CHST13: variants seen among roughly 807,000 people sequenced by gnomAD.
The protein encoded by CHST13 is carbohydrate sulfotransferase 13, also known as C4ST-3.
In CHST13, 1 loss-of-function variant was observed where a neutral mutation model predicts 7.0. That is an observed-to-expected ratio of 0.14 (90% CI 0.05 to 0.68). CHST13 has a LOEUF of 0.68. Ranked by LOEUF, CHST13 falls within the 30% of genes least tolerant of loss-of-function variation. The pLI, the probability that CHST13 is intolerant of heterozygous loss-of-function variation, is 0.82. For synonymous variants in CHST13, 257 were observed against 240.9 expected (o/e 1.07, Z -0.62); for missense variants, 572 against 507.9 (o/e 1.13, Z -1.21).
At chr3:126,538,516 G>C (rs1474637245) in intron 2 of CHST13, among the ~76,000 whole-genome samples, 1 of 152,270 alleles carries the variant, frequency 6.6e-6, no homozygotes, top group Non-Finnish European at 1.5e-5. Context: ...TGAAGATATG[G>C]CTCCCTGAAG....
Position 126,524,158 on chromosome 3 carries a change from C to A in CHST13, c.-175C>A. The A allele has an allele frequency of 7.9e-6, 3 of 379,146 alleles. No homozygotes were observed. The highest frequency in any genetic ancestry group is 4.3e-5 in the East Asian group (1 of 23,322). The allele number at this position is 379,146 out of a possible 1,614,324, so 23.5% of individuals were successfully genotyped here. On this transcript the variant is annotated 5_prime_UTR_variant, in exon 1 of 3. Coordinates refer to ENST00000319340, the MANE Select transcript of CHST13 (RefSeq NM_152889.3). ...CCCCACCGTGTCCCGCCTCCTCAGT[C>A]CCCAGCGACTCGCAGGGGCTGGTGG...
chr3:126,528,608 C>A (rs983116956), intron 1 of CHST13, among the ~76,000 whole-genome samples: 2 of 152,038 alleles, frequency 1.3e-5, no homozygotes, highest in African/African-American at 4.8e-5. Flanking sequence ...AGCCCTGGGG[C>A]CTACCCGGGG....
At chr3:126,530,221 C>T (rs1184588012) in intron 1 of CHST13, among the ~76,000 whole-genome samples, 1 of 152,268 alleles carries the variant, frequency 6.6e-6, no homozygotes, top group Admixed American at 6.5e-5. Context: ...GGAGGCGGCC[C>T]AGCCCTGTAA....
At chr3:126,540,501 G>A (rs375852401) in intron 2 of CHST13, among the ~76,000 whole-genome samples, 31 of 152,310 alleles carry the variant, frequency 2.0e-4, no homozygotes, top group African/African-American at 7.0e-4. Flanking sequence ...GTCCTTTTGT[G>A]ACTGTACTAT....
At chr3:126,538,367 G>A (rs927419941) in intron 2 of CHST13, among the ~76,000 whole-genome samples, 2 of 152,344 alleles carry the variant, frequency 1.3e-5, no homozygotes, top group Middle Eastern at 3.4e-3. Context: ...GGTGGGGTAA[G>A]GGTTTCCCCT....
At position 126,536,359 on chromosome 3, in the gene CHST13, T is replaced by G. The variant is rs777280426; in HGVS notation, c.180+6T>G. 7 of 1,611,392 alleles carry G rather than the reference T, an allele frequency of 4.3e-6. No homozygotes were observed. In the Admixed American group the frequency reaches 1.0e-4, roughly 23 times the overall value. On this transcript the variant is annotated splice_donor_region_variant and intron_variant, in intron 2 of 2. Coordinates refer to ENST00000319340, the MANE Select transcript of CHST13 (RefSeq NM_152889.3). ...AGCTCTATGACCTGGATCAGGTAGG[T>G]GGACAGACCCTCGACCCAGGCATGC...
intron 2 of CHST13, among the ~76,000 whole-genome samples, chr3:126,539,473 G>GCA (rs761229262): frequency 9.3e-5 from 13 of 140,390 alleles, no homozygotes; most frequent in African/African-American, 1.6e-4. Context: ...CACACACACT[G>GCA]CACACACACA....
chr3:126,540,473 T>C (rs1172695059), intron 2 of CHST13, among the ~76,000 whole-genome samples: 1 of 152,208 alleles, frequency 6.6e-6, no homozygotes, highest in Non-Finnish European at 1.5e-5. Flanking sequence ...CCTCACTAAG[T>C]GGGACTGTTT....
intron 1 of CHST13, chr3:126,527,071 G>T (rs1394716564): frequency 6.6e-6 from 1 of 152,288 alleles, no homozygotes; most frequent in Non-Finnish European, 1.5e-5. Flanking sequence ...ACACCGGCGG[G>T]AGCAGTGTTG....
At position 126,541,752 on chromosome 3, in the gene CHST13, C is replaced by G. The variant is rs1209497546; in HGVS notation, c.200C>G (p.Ala67Gly). The change falls in exon 3 of 3, where the codon GCG becomes GGG. Residue 67 changes from alanine to glycine, a missense_variant. Coordinates refer to ENST00000319340, the MANE Select transcript of CHST13 (RefSeq NM_152889.3). The part of the protein sequence containing the change: ...DLDQDPRSTL[A>G]KVHRQRRDLL... ...CCACAGGACCCGCGCTCGACCCTGG[C>G]GAAGGTGCACCGGCAGCGGCGCGAC... is the stretch of plus-strand genomic sequence containing the variant. The G allele has an allele frequency of 1.3e-6, 2 of 1,497,854 alleles. No individual in the cohort carries two copies. The highest frequency in any genetic ancestry group is 1.3e-5 in the South Asian group (1 of 77,674). 92.8% of individuals were successfully genotyped at this position (1,497,854 alleles called of 1,614,324 possible).
In CHST13 at chr3:126,529,463, C is replaced by A. The variant is rs886733387; in HGVS notation, c.97+5034C>A. The A allele has an allele frequency of 9.4e-6, 11 of 1,164,814 alleles. No homozygotes were observed. In the African/African-American group the frequency reaches 1.8e-4, roughly 19 times the overall value. 72.2% of individuals were successfully genotyped at this position (1,164,814 alleles called of 1,614,324 possible). ...GTGTTAAGGGTGCAGATGCTGGCACCGGTGGCCTGGGGTCAAATTCTGTTT... is the reference window on the plus strand; with the variant it reads ...GTGTTAAGGGTGCAGATGCTGGCACAGGTGGCCTGGGGTCAAATTCTGTTT... On this transcript the variant is annotated intron_variant, in intron 1 of 2. Transcript: ENST00000319340.
At chr3:126,538,598 C>T (rs1399147680) in intron 2 of CHST13, among the ~76,000 whole-genome samples, 1 of 152,232 alleles carries the variant, frequency 6.6e-6, no homozygotes, top group Non-Finnish European at 1.5e-5. Context: ...GGCCGGATGG[C>T]CAACATTCCC....
Position 126,542,287 on chromosome 3 carries a change from G to C in CHST13, c.735G>C (p.Glu245Asp), listed in dbSNP as rs1936980301. The change falls in exon 3 of 3, where the codon GAG (glutamate) becomes GAC (aspartate). Residue 245 changes from glutamate to aspartate, a missense_variant. By Grantham distance (45) the Glu-to-Asp change is conservative. Transcript: ENST00000319340. Reference protein sequence around the residue: ...PRTRREEPFNEHWERAHALCH... With the variant: ...PRTRREEPFNDHWERAHALCH... ...CGCGGCGTGAGGAGCCCTTCAACGAGCACTGGGAGCGCGCGCACGCGCTCT... is the reference window on the plus strand; with the variant it reads ...CGCGGCGTGAGGAGCCCTTCAACGACCACTGGGAGCGCGCGCACGCGCTCT... 2 of 1,565,838 alleles carry C rather than the reference G, an allele frequency of 1.3e-6. No homozygotes were observed. Among genetic ancestry groups the C allele is most frequent in the Non-Finnish European group, 8.6e-7 (1 of 1,161,172 alleles).
rs552129105 is a variant in CHST13, at chr3:126,542,891, G to T, written c.*313G>T. 8.3e-6 allele frequency: 2 copies of T among 241,502 alleles called. No individual in the cohort carries two copies. Among genetic ancestry groups the T allele is most frequent in the East Asian group, 1.8e-4 (2 of 10,928 alleles). 15.0% of individuals were successfully genotyped at this position (241,502 alleles called of 1,614,324 possible). A position where few individuals can be genotyped will look rare whatever the true frequency, so the allele number is the denominator to read the frequency against. ...TAACCAGGGTTTTAGGCTTTTAAAG[G>T]CCATTTTGGGGGTCAGCCCTGCCCC... is the stretch of plus-strand genomic sequence containing the variant. On this transcript the variant is annotated 3_prime_UTR_variant, in exon 3 of 3. Transcript: ENST00000319340.
chr3:126,528,297 T>C (rs1371300882), intron 1 of CHST13, among the ~76,000 whole-genome samples: 1 of 152,100 alleles, frequency 6.6e-6, no homozygotes, highest in African/African-American at 2.4e-5. Flanking sequence ...AAATAGTCAC[T>C]GGCACTGGGC....
Position 126,541,937 on chromosome 3 carries a change from G to C in CHST13, c.385G>C (p.Gly129Arg), listed in dbSNP as rs776579439. ...GAAGCGCGTGCTGCTGGCGCTGAGCGGCCAAGCCCGCGGCGACCCGCGCGC... is the reference window on the plus strand; with the variant it reads ...GAAGCGCGTGCTGCTGGCGCTGAGCCGCCAAGCCCGCGGCGACCCGCGCGC... ...NWKRVLLALSGQARGDPRAIS... is the reference protein window; with the variant it reads ...NWKRVLLALSRQARGDPRAIS... The change falls in exon 3 of 3, where the codon GGC becomes CGC. Residue 129 changes from glycine to arginine, a missense_variant. Physicochemically the swap from Gly to Arg is moderately radical, Grantham distance 125. Transcript: ENST00000319340. 2.2e-5 allele frequency: 35 copies of C among 1,591,390 alleles called. 1 individual carries two copies. The highest frequency in any genetic ancestry group is 2.1e-4 in the African/African-American group (15 of 73,028).
At chr3:126,529,258 C>A in intron 1 of CHST13, 1 of 1,217,604 alleles carries the variant, frequency 8.2e-7, no homozygotes, top group Admixed American at 2.3e-5. Flanking sequence ...GGCCTTGCAA[C>A]ATGACGTGTG....
chr3:126,537,067 G>A (rs1276684666), intron 2 of CHST13, among the ~76,000 whole-genome samples: 1 of 152,206 alleles, frequency 6.6e-6, no homozygotes. Flanking sequence ...AGGGGAAGAT[G>A]TCATCTGATC....
intron 1 of CHST13, among the ~76,000 whole-genome samples, chr3:126,530,060 G>T (rs1936620067): frequency 6.6e-6 from 1 of 152,216 alleles, no homozygotes; most frequent in Non-Finnish European, 1.5e-5. Flanking sequence ...TTTGGGGCCA[G>T]CCCCCAGCTG....
Sources: allele counts gnomAD v4.1 joint callset (sites outside exome capture counted in the v4.1 genomes callset), GRCh38; gene constraint gnomAD v4.1.1; transcripts MANE v1.5; gene names NCBI Gene and HGNC (gene_info 2026-07-23, HGNC 2026-07-21).